Variants in KIAA1671 observed in about 807,000 individuals in gnomAD.
KIAA1671 encodes uncharacterized protein KIAA1671.
Under a neutral mutation model 131.2 loss-of-function variants are expected in KIAA1671, and 52 were observed. The ratio of observed to expected loss-of-function variants is 0.40; its 90% CI spans 0.32 to 0.50. The LOEUF (loss-of-function observed/expected upper bound fraction) is 0.50, where lower values mean the gene tolerates loss of function less well. KIAA1671 is among the 20% of genes least tolerant of loss of function. The pLI, the probability that KIAA1671 is intolerant of heterozygous loss-of-function variation, is 0.73. For synonymous variants in KIAA1671, 1,003 were observed against 961.6 expected, an observed-to-expected ratio of 1.04 and a Z score of -0.80; for missense variants, 2,360 against 2,364.2, an observed-to-expected ratio of 1.00 and a Z score of 0.04.
intron 7 of KIAA1671, among the ~76,000 whole-genome samples, chr22:25,171,978 T>A (rs1933864869): frequency 6.6e-6 from 1 of 152,108 alleles, no homozygotes; most frequent in Admixed American, 6.6e-5. Flanking sequence ...GTCACCAATA[T>A]TAAAGTTGGC....
intron 1 of KIAA1671, among the ~76,000 whole-genome samples, chr22:24,992,835 A>AAAAAAAAAAAAAAAAT (rs1923918533): frequency 6.6e-6 from 1 of 151,450 alleles, no homozygotes; most frequent in Non-Finnish European, 1.5e-5. Flanking sequence ...AAAAAAAAAA[A>AAAAAAAAAAAAAAAAT]AAAGACAATG....
intron 4 of KIAA1671, among the ~76,000 whole-genome samples, chr22:25,034,585 C>T (rs1333504272): frequency 1.3e-5 from 2 of 152,062 alleles, no homozygotes; most frequent in Non-Finnish European, 2.9e-5. Context: ...GAGTAGACCA[C>T]AATTCGTTTA....
intron 6 of KIAA1671, among the ~76,000 whole-genome samples, chr22:25,123,458 C>CT (rs1440010569): frequency 2.0e-5 from 3 of 152,136 alleles, no homozygotes; most frequent in East Asian, 3.9e-4. Flanking sequence ...TCCCAAAGTG[C>CT]TGGGATTACA....
Position 25,041,163 on chromosome 22 carries a change from C to T in KIAA1671, c.4033C>T (p.Leu1345=). 6.4e-7 allele frequency: 1 copy of T among 1,551,656 alleles called. No individual in the cohort carries two copies. The highest frequency in any genetic ancestry group is 8.7e-7 in the Non-Finnish European group (1 of 1,146,930). The stretch of plus-strand genomic sequence containing the variant: ...TCATGTTGCAAAGTGTCAGAATTAC[C>T]TGGCTGAGTCAAAGCCCTCTGGTCG... ...KHHVAKCQNY[L]AESKPSGRED... Residue 1345 remains leucine (L), a synonymous_variant, in exon 5 of 13, where the codon CTG becomes TTG. Coordinates refer to ENST00000358431, the MANE Select transcript of KIAA1671 (RefSeq NM_001145206.2).
chr22:25,187,122 G>A (rs1158458098), intron 11 of KIAA1671, among the ~76,000 whole-genome samples: 9 of 152,218 alleles, frequency 5.9e-5, no homozygotes, highest in Non-Finnish European at 1.0e-4. Context: ...ACCCCCTCAG[G>A]TGCAGACCCC....
chr22:24,957,747 G>A (rs1024767754), intron 1 of KIAA1671, among the ~76,000 whole-genome samples: 4 of 140,110 alleles, frequency 2.9e-5, no homozygotes, highest in Admixed American at 1.5e-4. Context: ...GCAGGATCTC[G>A]GCTTACTGCA....
intron 6 of KIAA1671, among the ~76,000 whole-genome samples, chr22:25,093,124 T>C (rs1312666397): frequency 6.6e-6 from 1 of 152,204 alleles, no homozygotes; most frequent in East Asian, 1.9e-4. Context: ...CTCTAGGCAG[T>C]GTCTCACACA....
rs570300785 is a variant in KIAA1671, at chr22:24,978,706, G to C, written c.-208+25934G>C. Among the ~76,000 whole-genome samples the C allele has an allele frequency of 2.6e-3, 397 of 152,000 alleles. 1 individual carries two copies. Among genetic ancestry groups the C allele is most frequent in the African/African-American group, 9.1e-3 (375 of 41,422 alleles). ...GTTTTGTTTTGTTTTGTTTTGTTTT[G>C]AGAGTCTCACTCTGTCACCCAGGCT... On this transcript the variant is annotated intron_variant, in intron 1 of 12. Transcript: ENST00000358431.
intron 6 of KIAA1671, among the ~76,000 whole-genome samples, chr22:25,113,196 G>T (rs1931465383): frequency 6.6e-6 from 1 of 152,174 alleles, no homozygotes. Context: ...CTACTGTGGG[G>T]GAAGCACAGT....
intron 1 of KIAA1671, among the ~76,000 whole-genome samples, chr22:25,000,899 G>A (rs541163880): frequency 3.3e-5 from 5 of 150,948 alleles, no homozygotes; most frequent in African/African-American, 1.2e-4. Flanking sequence ...CTCCTGCCTC[G>A]GCATACCAAA....
chr22:24,974,193 C>G (rs1230079595), intron 1 of KIAA1671, among the ~76,000 whole-genome samples: 1 of 152,138 alleles, frequency 6.6e-6, no homozygotes, highest in Non-Finnish European at 1.5e-5. Context: ...GGAGATAGAA[C>G]TTCTGGGTAA....
At position 25,039,061 on chromosome 22, in the gene KIAA1671, G is replaced by C; in HGVS notation, c.1931G>C (p.Arg644Pro). ...CCCCCTGGTGACATGGCCCATGCCC[G>C]TGTCTCAGAACCCAGGCCGAGGCCT... ...TTPPGDMAHA[R>P]VSEPRPRPEM... The change falls in exon 5 of 13, where the codon CGT becomes CCT. Residue 644 changes from arginine (R) to proline (P), a missense_variant. This residue lies in a region of KIAA1671 where 1,185 missense variants were observed against 1,126.2 expected (regional missense o/e 1.05). Transcript: ENST00000358431. The C allele has an allele frequency of 6.4e-7, 1 of 1,551,638 alleles. No individual in the cohort carries two copies. Among genetic ancestry groups the C allele is most frequent in the Non-Finnish European group, 8.7e-7 (1 of 1,147,020 alleles).
chr22:25,077,627 T>C (rs1432025848), intron 6 of KIAA1671, among the ~76,000 whole-genome samples: 3 of 152,202 alleles, frequency 2.0e-5, no homozygotes, highest in African/African-American at 7.2e-5. Context: ...TGATAGCTTC[T>C]TGGGGAAGGT....
At position 25,185,056 on chromosome 22, in the gene KIAA1671, C is replaced by T. The variant is rs1053961872; in HGVS notation, c.5279C>T (p.Ser1760Phe). The T allele has an allele frequency of 4.5e-6, 7 of 1,551,528 alleles. No homozygotes were observed. The highest frequency in any genetic ancestry group is 1.4e-5 in the African/African-American group (1 of 73,032). ...GCACCCCAACCCAAGAGCCCCAAGT[C>T]CCCCTTCCAGCCTGGGGTGCTGGGC... The part of the protein sequence containing the change: ...SWAPQPKSPK[S>F]PFQPGVLGSR... The change falls in exon 11 of 13, where the codon TCC becomes TTC. Residue 1760 changes from serine to phenylalanine, a missense_variant. Coordinates refer to ENST00000358431, the MANE Select transcript of KIAA1671 (RefSeq NM_001145206.2).
intron 6 of KIAA1671, among the ~76,000 whole-genome samples, chr22:25,107,502 TCTCA>T (rs1332200699): frequency 8.3e-6 from 1 of 120,964 alleles, no homozygotes; most frequent in East Asian, 2.5e-4. Flanking sequence ...TGAGACAGGT[TCTCA>T]CTCTGTTGCC....
At chr22:25,103,693 C>T (rs1202948615) in intron 6 of KIAA1671, among the ~76,000 whole-genome samples, 1 of 152,024 alleles carries the variant, frequency 6.6e-6, no homozygotes. Flanking sequence ...GGGGTTTCAC[C>T]GTGTTAGCCA....
intron 6 of KIAA1671, among the ~76,000 whole-genome samples, chr22:25,079,684 T>A (rs2145862167): frequency 6.6e-6 from 1 of 152,208 alleles, no homozygotes; most frequent in East Asian, 1.9e-4. Flanking sequence ...GATGCCACGG[T>A]GGCTGCAGCA....
Position 25,041,334 on chromosome 22 carries a change from C to CCCA in KIAA1671, c.4205_4206insCAC (p.Pro1402_Leu1403insThr). The CCCA allele has an allele frequency of 1.3e-6, 2 of 1,551,640 alleles. No homozygotes were observed. Among genetic ancestry groups the CCCA allele is most frequent in the Admixed American group, 3.9e-5 (2 of 50,998 alleles). On this transcript the variant is annotated inframe_insertion, in exon 5 of 13. Transcript: ENST00000358431. ...CCACCCACGTGACTGTGGACGGGTG[C>CCCA]CGCTGGATATCAAGAGGGCCTACTC...
chr22:25,088,111 C>CT (rs796690642), intron 6 of KIAA1671, among the ~76,000 whole-genome samples: 9,613 of 110,498 alleles, frequency 0.087, 1,031 homozygotes, highest in African/African-American at 0.27. Context: ...TTCTTTCTTT[C>CT]TTTTTTTTTT....
Sources: allele counts gnomAD v4.1 joint callset (sites outside exome capture counted in the v4.1 genomes callset), GRCh38; gene constraint gnomAD v4.1.1; regional missense constraint gnomAD v4.1.1; transcripts MANE v1.5; gene names NCBI Gene and HGNC (gene_info 2026-07-23, HGNC 2026-07-21).